FHIT: variants seen among roughly 807,000 people sequenced by gnomAD.
FHIT encodes the protein fragile histidine triad diadenosine triphosphatase, also known as bis(5'-adenosyl)-triphosphatase.
FHIT carries 19 observed loss-of-function variants against 17.9 expected under a neutral mutation model. That is an observed-to-expected ratio of 1.06 (90% CI 0.74 to 1.56). The LOEUF (loss-of-function observed/expected upper bound fraction) is 1.56, where lower values mean the gene tolerates loss of function less well. Among genes scored for constraint, FHIT ranks in the 40% most tolerant of loss-of-function variants. FHIT has a pLI of 0.00. For synonymous variants in FHIT, 81 were observed against 69.7 expected (o/e 1.16, Z -0.81); for missense variants, 248 against 189.2 (o/e 1.31, Z -1.82).
At chr3:60,227,264 C>G (rs1704255158) in intron 5 of FHIT, among the ~76,000 whole-genome samples, 5 of 152,166 alleles carry the variant, frequency 3.3e-5, no homozygotes, top group Admixed American at 3.3e-4. Context: ...AAATCAACAT[C>G]TTTGCCTGTT....
intron 5 of FHIT, among the ~76,000 whole-genome samples, chr3:60,180,348 C>A (rs1469499865): frequency 6.6e-6 from 1 of 152,172 alleles, no homozygotes; most frequent in Non-Finnish European, 1.5e-5. Flanking sequence ...ACACCTGCAA[C>A]AGCATCATTA....
chr3:61,203,759 G>A (rs2039110722), intron 1 of FHIT, among the ~76,000 whole-genome samples: 2 of 152,196 alleles, frequency 1.3e-5, no homozygotes, highest in Admixed American at 6.5e-5. Flanking sequence ...TTACAAGGAG[G>A]AGAGAAATAC....
At chr3:60,551,919 TATC>T (rs1188945064) in intron 4 of FHIT, among the ~76,000 whole-genome samples, 2 of 152,024 alleles carry the variant, frequency 1.3e-5, no homozygotes, top group Admixed American at 6.5e-5. Flanking sequence ...ATTGTACAAT[TATC>T]ATAACTACCT....
intron 4 of FHIT, among the ~76,000 whole-genome samples, chr3:60,591,130 C>A (rs1290736575): frequency 6.6e-6 from 1 of 152,036 alleles, no homozygotes; most frequent in Admixed American, 6.6e-5. Flanking sequence ...GCTAAGCCCA[C>A]TGATAAGAAT....
chr3:61,098,861 G>A (rs1282684574), intron 2 of FHIT, among the ~76,000 whole-genome samples: 2 of 152,162 alleles, frequency 1.3e-5, no homozygotes, highest in Admixed American at 6.5e-5. Flanking sequence ...CTGAGACGAT[G>A]GGGTTTTCTA....
At chr3:61,106,423 T>G (rs1304424516) in intron 2 of FHIT, among the ~76,000 whole-genome samples, 1 of 152,142 alleles carries the variant, frequency 6.6e-6, no homozygotes, top group African/African-American at 2.4e-5. Flanking sequence ...TCCGCTCTAA[T>G]TAAAACTGTA....
intron 5 of FHIT, among the ~76,000 whole-genome samples, chr3:60,077,729 C>CACACACAT (rs1559611496): frequency 1.5e-5 from 1 of 67,188 alleles, no homozygotes; most frequent in Non-Finnish European, 3.7e-5. Context: ...CACACACACA[C>CACACACAT]ATATATAGAG....
At chr3:60,842,538 A>G (rs1286911273) in intron 3 of FHIT, among the ~76,000 whole-genome samples, 1 of 149,946 alleles carries the variant, frequency 6.7e-6, no homozygotes, top group African/African-American at 2.4e-5. Flanking sequence ...CATCTTTGAT[A>G]TTCAAATAGC....
chr3:59,818,107 A>G (rs536972334), intron 8 of FHIT, among the ~76,000 whole-genome samples: 1 of 86,596 alleles, frequency 1.2e-5, no homozygotes, highest in Non-Finnish European at 3.3e-5. Flanking sequence ...TAGGAATTCT[A>G]AAAAGAAAAA....
intron 7 of FHIT, among the ~76,000 whole-genome samples, chr3:59,985,119 T>G (rs1708835498): frequency 6.6e-6 from 1 of 152,136 alleles, no homozygotes; most frequent in Non-Finnish European, 1.5e-5. Context: ...ACTGCAGAGT[T>G]GCCTGCTCTA....
intron 5 of FHIT, among the ~76,000 whole-genome samples, chr3:60,161,073 T>A (rs933956633): frequency 6.6e-6 from 1 of 152,238 alleles, no homozygotes; most frequent in Non-Finnish European, 1.5e-5. Flanking sequence ...AAAATCTGAC[T>A]TGGCTTCTGT....
intron 5 of FHIT, among the ~76,000 whole-genome samples, chr3:60,269,884 AC>A (rs1225025267): frequency 1.3e-5 from 2 of 152,306 alleles, no homozygotes; most frequent in Admixed American, 6.5e-5. Flanking sequence ...GGGGAGTTAC[AC>A]CCCTATGGGT....
intron 3 of FHIT, among the ~76,000 whole-genome samples, chr3:60,956,909 G>T (rs1053545993): frequency 6.4e-5 from 9 of 141,628 alleles, no homozygotes; most frequent in African/African-American, 2.1e-4. Context: ...GAATATTTCA[G>T]TTTCGGGGGG....
intron 3 of FHIT, among the ~76,000 whole-genome samples, chr3:60,949,376 T>A (rs1708780065): frequency 6.6e-6 from 1 of 152,174 alleles, no homozygotes; most frequent in South Asian, 2.1e-4. Context: ...AGCTATGAGA[T>A]GTACCACCTT....
At chr3:60,260,160 T>C (rs76659674) in intron 5 of FHIT, among the ~76,000 whole-genome samples, 3,786 of 152,124 alleles carry the variant, frequency 0.025, 78 homozygotes, top group Non-Finnish European at 0.04. Context: ...ATTAGTGTTC[T>C]TAAGGAAGAT....
chr3:59,927,268 A>G (rs59392582), intron 7 of FHIT, among the ~76,000 whole-genome samples: 13,138 of 152,186 alleles, frequency 0.086, 736 homozygotes, highest in Admixed American at 0.12. Flanking sequence ...AGAGAAAGAA[A>G]GATTTGCGGT....
intron 3 of FHIT, among the ~76,000 whole-genome samples, chr3:60,982,548 C>T (rs1559885751): frequency 6.6e-6 from 1 of 152,120 alleles, no homozygotes; most frequent in Non-Finnish European, 1.5e-5. Context: ...ACTTCAGGGC[C>T]TTCCATTTGT....
intron 5 of FHIT, among the ~76,000 whole-genome samples, chr3:60,314,914 T>C (rs899588080): frequency 4.6e-5 from 7 of 152,140 alleles, no homozygotes; most frequent in African/African-American, 1.7e-4. Context: ...TGAGAGCCTG[T>C]CTCTATTTTA....
At chr3:60,368,292 A>G (rs1171050966) in intron 5 of FHIT, among the ~76,000 whole-genome samples, 4 of 151,078 alleles carry the variant, frequency 2.6e-5, no homozygotes, top group Non-Finnish European at 5.9e-5. Flanking sequence ...CTGTTATTCC[A>G]TCATCTTATT....
Sources: allele counts gnomAD v4.1 joint callset (sites outside exome capture counted in the v4.1 genomes callset), GRCh38; gene constraint gnomAD v4.1.1; transcripts MANE v1.5; gene names NCBI Gene and HGNC (gene_info 2026-07-23, HGNC 2026-07-21).